WDFY4: variants seen among roughly 807,000 people sequenced by gnomAD.
WDFY4 encodes the protein WD repeat- and FYVE domain-containing protein 4.
In WDFY4, 169 loss-of-function variants were observed where a neutral mutation model predicts 351.9. That is an observed-to-expected ratio of 0.48 (90% CI 0.42 to 0.55). WDFY4 has a LOEUF of 0.55. WDFY4 is among the 20% of genes least tolerant of loss of function. WDFY4 has a pLI of 0.00. For missense variants in WDFY4, 3,803 were observed against 3,935.6 expected (o/e 0.97, Z 0.90); for synonymous variants, 1,622 against 1,574.6 (o/e 1.03, Z -0.71).
At chr10:48,790,481 T>C (rs948107037) in intron 22 of WDFY4, among the ~76,000 whole-genome samples, 1 of 152,134 alleles carries the variant, frequency 6.6e-6, no homozygotes, top group African/African-American at 2.4e-5. Context: ...AGGGCGGCAA[T>C]CTGAAATACT....
At position 48,923,496 on chromosome 10, in the gene WDFY4, G is replaced by GTATATATATATATA. The variant is rs374289050; in HGVS notation, c.7587-18306_7587-18293dup. Among the ~76,000 whole-genome samples, 157 of 63,192 alleles carry GTATATATATATATA rather than the reference G, an allele frequency of 2.5e-3. 16 individuals are homozygous for GTATATATATATATA. The highest frequency in any genetic ancestry group is 0.012 in the Middle Eastern group (1 of 86). 41.5% of individuals were successfully genotyped at this position (63,192 alleles called of 152,430 possible). ...TCAGGTAAACAACAAATAGTTTTTA[G>GTATATATATATATA]TATATATATATATATATGTCCCAAA... On this transcript the variant is annotated intron_variant, in intron 47 of 61. Transcript: ENST00000325239.
chr10:48,767,771 T>C (rs2065718839), intron 13 of WDFY4, among the ~76,000 whole-genome samples: 4 of 152,148 alleles, frequency 2.6e-5, no homozygotes, highest in Admixed American at 1.3e-4. Flanking sequence ...TCCTAGCAGG[T>C]TTAGGGCAAG....
chr10:48,805,541 AT>A, intron 26 of WDFY4, 120 bp downstream of exon 26: 1 of 1,368,642 alleles, frequency 7.3e-7, no homozygotes, highest in African/African-American at 1.5e-5. Flanking sequence ...CCTTCTAGGA[AT>A]TTTTGCCCAG....
chr10:48,688,983 A>C (rs1294813931), intron 1 of WDFY4, among the ~76,000 whole-genome samples: 2 of 152,226 alleles, frequency 1.3e-5, no homozygotes, highest in African/African-American at 2.4e-5. Flanking sequence ...GGTCATACAA[A>C]GATGGAGATG....
chr10:48,823,827 G>T, intron 35 of WDFY4: 2 of 988,036 alleles, frequency 2.0e-6, no homozygotes, highest in Non-Finnish European at 2.4e-6. Context: ...TGTCTGTGAT[G>T]CCTGCCCCTC....
chr10:48,970,376 G>A, intron 57 of WDFY4, 87 bp downstream of exon 57: 1 of 1,487,678 alleles, frequency 6.7e-7, no homozygotes, highest in Non-Finnish European at 9.0e-7. Flanking sequence ...TGGCACCTGG[G>A]CAGGTGTGGT....
intron 39 of WDFY4, among the ~76,000 whole-genome samples, chr10:48,846,732 T>C (rs2068789736): frequency 1.3e-5 from 2 of 152,140 alleles, no homozygotes; most frequent in Non-Finnish European, 1.5e-5. Context: ...CAGCGTGGCT[T>C]CCAAGAACAT....
intron 20 of WDFY4, among the ~76,000 whole-genome samples, chr10:48,787,848 C>CT (rs1215882350): frequency 1.5e-4 from 20 of 136,200 alleles, no homozygotes; most frequent in African/African-American, 3.5e-4. Flanking sequence ...TCTTCTTCTT[C>CT]TTCTTCTTCT....
chr10:48,820,963 A>G, intron 33 of WDFY4, 99 bp from the exon 34 acceptor site: 1 of 797,910 alleles, frequency 1.3e-6, no homozygotes, highest in Non-Finnish European at 2.1e-6. Flanking sequence ...CTGCTGGCAG[A>G]TGCGGCATAA....
chr10:48,834,713 G>T (rs2068320672), intron 39 of WDFY4, among the ~76,000 whole-genome samples: 1 of 152,224 alleles, frequency 6.6e-6, no homozygotes, highest in South Asian at 2.1e-4. Context: ...CTGGCTGGGA[G>T]CTAGGGAAGG....
intron 19 of WDFY4, among the ~76,000 whole-genome samples, chr10:48,782,279 A>T (rs1326150828): frequency 1.3e-5 from 2 of 152,240 alleles, no homozygotes; most frequent in African/African-American, 4.8e-5. Context: ...TCTTTCACAG[A>T]ATATGTTGAT....
chr10:48,875,938 A>G (rs1445796376), intron 42 of WDFY4, among the ~76,000 whole-genome samples: 4 of 152,180 alleles, frequency 2.6e-5, no homozygotes, highest in South Asian at 2.1e-4. Flanking sequence ...CAACTCTCAC[A>G]TGGAATGATT....
intron 39 of WDFY4, among the ~76,000 whole-genome samples, chr10:48,851,051 C>T (rs1023303750): frequency 1.3e-5 from 2 of 152,164 alleles, no homozygotes; most frequent in African/African-American, 4.8e-5. Context: ...ACCTGGTGCC[C>T]ATCAATAGGT....
chr10:48,932,529 T>C (rs1315480684), intron 47 of WDFY4: 1 of 152,216 alleles, frequency 6.6e-6, no homozygotes, highest in Admixed American at 6.5e-5. Flanking sequence ...CCTCATTCAG[T>C]CATCTGTCCA....
At chr10:48,756,119 G>T (rs1393531704) in intron 12 of WDFY4, among the ~76,000 whole-genome samples, 1 of 152,028 alleles carries the variant, frequency 6.6e-6, no homozygotes, top group Non-Finnish European at 1.5e-5. Flanking sequence ...AATTTGGAGA[G>T]AATTGACAAT....
chr10:48,901,477 C>T (rs1025800509), intron 46 of WDFY4, among the ~76,000 whole-genome samples: 3 of 152,236 alleles, frequency 2.0e-5, no homozygotes, highest in Admixed American at 2.0e-4. Context: ...CTCACAGCAA[C>T]GCACTGGAAT....
intron 51 of WDFY4, among the ~76,000 whole-genome samples, chr10:48,953,333 T>TCTCTCTCTCACACACACA (rs771339557): frequency 1.1e-3 from 136 of 128,224 alleles, no homozygotes; most frequent in Non-Finnish European, 1.5e-3. Context: ...TCTCTCTCTC[T>TCTCTCTCTCACACACACA]CACACACACA....
Position 48,823,973 on chromosome 10 carries a change from G to T in WDFY4, c.5982+1436G>T, listed in dbSNP as rs1170010171. 5.7e-5 allele frequency: 56 copies of T among 985,362 alleles called. No individual in the cohort carries two copies. The South Asian group carries it at 1.0e-3, about 18-fold the overall frequency. The allele number at this position is 985,362 out of a possible 1,614,324, so 61.0% of individuals were successfully genotyped here. Reference sequence around the variant, plus strand: ...GCGTTACCTGTGAAATTCTAAGGGAGTAGCCTATAACAAATTCATTTTCTA... The same window carrying T: ...GCGTTACCTGTGAAATTCTAAGGGATTAGCCTATAACAAATTCATTTTCTA... On this transcript the variant is annotated intron_variant, in intron 35 of 61. Transcript: ENST00000325239.
intron 39 of WDFY4, among the ~76,000 whole-genome samples, chr10:48,859,909 G>A (rs751408085): frequency 8.5e-5 from 13 of 152,128 alleles, no homozygotes; most frequent in Admixed American, 1.3e-4. Context: ...ATGATCTATC[G>A]TATTGGATGA....
Sources: allele counts gnomAD v4.1 joint callset (sites outside exome capture counted in the v4.1 genomes callset), GRCh38; gene constraint gnomAD v4.1.1; transcripts MANE v1.5; gene names NCBI Gene and HGNC (gene_info 2026-07-23, HGNC 2026-07-21).